Variants in AMBRA1 observed in about 807,000 individuals in gnomAD.
The protein encoded by AMBRA1 is activating molecule in BECN1-regulated autophagy protein 1.
AMBRA1 carries 47 observed loss-of-function variants against 125.4 expected under a neutral mutation model. That is an observed-to-expected ratio of 0.37 (90% CI 0.30 to 0.48). The LOEUF (loss-of-function observed/expected upper bound fraction) is 0.48, where lower values mean the gene tolerates loss of function less well. Ranked by LOEUF, AMBRA1 falls within the 20% of genes least tolerant of loss-of-function variation. AMBRA1 has a pLI of 0.99. For synonymous variants in AMBRA1, 626 were observed against 655.5 expected (o/e 0.95, Z 0.69); for missense variants, 1,331 against 1,693.4 (o/e 0.79, Z 3.76).
At chr11:46,497,634 C>A (rs1042701662) in intron 9 of AMBRA1, among the ~76,000 whole-genome samples, 15 of 152,156 alleles carry the variant, frequency 9.9e-5, no homozygotes, top group Non-Finnish European at 4.4e-5. Context: ...TAGCCTATAA[C>A]CAAACCAGCT....
In AMBRA1 at chr11:46,545,620, C is replaced by G. The variant is rs1256327010; in HGVS notation, c.535G>C (p.Glu179Gln). 1.2e-6 allele frequency: 2 copies of G among 1,614,054 alleles called. No homozygotes were observed. Among genetic ancestry groups the G allele is most frequent in the Non-Finnish European group, 1.7e-6 (2 of 1,179,964 alleles). ...CGCACTCACCGGACCCGTTCCATCTCACTAGCTGTCTTCACCACAGCAAAG... is the reference window on the plus strand; with the variant it reads ...CGCACTCACCGGACCCGTTCCATCTGACTAGCTGTCTTCACCACAGCAAAG... Reference protein sequence around the residue: ...EPFAVVKTASEMERVRLVRFD... With the variant: ...EPFAVVKTASQMERVRLVRFD... The change falls in exon 5 of 18, where the codon GAG (glutamate) becomes CAG (glutamine). Residue 179 changes from glutamate (E) to glutamine (Q), a missense_variant. Physicochemically the swap from Glu to Gln is conservative, Grantham distance 29. Around this residue, in one of 4 missense-constraint regions of AMBRA1, gnomAD observed 144 missense variants for 250.4 expected, o/e 0.58. Coordinates refer to ENST00000683756, the MANE Select transcript of AMBRA1 (RefSeq NM_001387011.1).
At chr11:46,495,714 A>C (rs1213712843) in intron 9 of AMBRA1, among the ~76,000 whole-genome samples, 1 of 152,248 alleles carries the variant, frequency 6.6e-6, no homozygotes, top group Non-Finnish European at 1.5e-5. Context: ...CTGAATATCA[A>C]ACAAATAAGA....
chr11:46,498,505 A>AG (rs1478937798), intron 9 of AMBRA1, among the ~76,000 whole-genome samples: 5 of 152,208 alleles, frequency 3.3e-5, no homozygotes, highest in African/African-American at 9.7e-5. Flanking sequence ...AGATTTTACC[A>AG]GAAAAAAAAC....
At chr11:46,528,954 C>T (rs1352070884) in intron 7 of AMBRA1, among the ~76,000 whole-genome samples, 1 of 152,068 alleles carries the variant, frequency 6.6e-6, no homozygotes, top group African/African-American at 2.4e-5. Flanking sequence ...TCACACGTAC[C>T]CTCTGATGCA....
intron 1 of AMBRA1, among the ~76,000 whole-genome samples, chr11:46,585,695 A>AAAAATATAT (rs1555017410): frequency 8.7e-5 from 2 of 22,906 alleles, no homozygotes; most frequent in South Asian, 1.4e-3. Flanking sequence ...AAAAAAAAAA[A>AAAAATATAT]ATATATATAT....
chr11:46,413,632 A>G (rs545700375), intron 15 of AMBRA1, among the ~76,000 whole-genome samples: 4 of 152,260 alleles, frequency 2.6e-5, no homozygotes, highest in Non-Finnish European at 5.9e-5. Flanking sequence ...CTGGGATTAC[A>G]GGTGTGTGCC....
chr11:46,442,941 T>TG (rs898017095), intron 12 of AMBRA1, among the ~76,000 whole-genome samples: 1 of 152,168 alleles, frequency 6.6e-6, no homozygotes, highest in African/African-American at 2.4e-5. Flanking sequence ...AGGCTGGTCT[T>TG]GAACTCCTGA....
intron 14 of AMBRA1, among the ~76,000 whole-genome samples, chr11:46,427,367 C>G (rs1947193789): frequency 6.6e-6 from 1 of 152,054 alleles, no homozygotes; most frequent in Non-Finnish European, 1.5e-5. Context: ...GGATGGATAC[C>G]CAACGGTATA....
intron 11 of AMBRA1, among the ~76,000 whole-genome samples, chr11:46,470,640 C>A (rs962307859): frequency 2.0e-5 from 3 of 149,962 alleles, no homozygotes; most frequent in Admixed American, 6.6e-5. Context: ...CATGGGCCTG[C>A]GGTCCTAGCT....
chr11:46,461,858 C>T (rs1191841204), intron 11 of AMBRA1, among the ~76,000 whole-genome samples: 1 of 152,196 alleles, frequency 6.6e-6, no homozygotes, highest in East Asian at 1.9e-4. Flanking sequence ...ACAGATGAAG[C>T]ATGCAAACAC....
At chr11:46,489,193 C>T (rs1307227342) in intron 11 of AMBRA1, among the ~76,000 whole-genome samples, 2 of 152,068 alleles carry the variant, frequency 1.3e-5, no homozygotes, top group Non-Finnish European at 2.9e-5. Context: ...ATTAGGTATA[C>T]CTCCTAATGC....
At chr11:46,533,507 A>C (rs561775531) in intron 7 of AMBRA1, among the ~76,000 whole-genome samples, 2 of 152,218 alleles carry the variant, frequency 1.3e-5, no homozygotes, top group East Asian at 3.9e-4. Context: ...GTTGCAGGTA[A>C]TATGCCTGCT....
intron 11 of AMBRA1, among the ~76,000 whole-genome samples, chr11:46,450,199 G>A (rs770078196): frequency 2.0e-5 from 3 of 152,108 alleles, no homozygotes; most frequent in Non-Finnish European, 2.9e-5. Flanking sequence ...GATAAACTGT[G>A]GCACATCCAT....
chr11:46,586,325 C>T (rs2044398834), intron 1 of AMBRA1, among the ~76,000 whole-genome samples: 2 of 152,154 alleles, frequency 1.3e-5, no homozygotes, highest in Admixed American at 6.5e-5. Context: ...ACAAGAATCG[C>T]TTGAACCCAG....
intron 1 of AMBRA1, among the ~76,000 whole-genome samples, chr11:46,566,216 C>T (rs981931148): frequency 1.3e-5 from 2 of 152,050 alleles, no homozygotes; most frequent in African/African-American, 2.4e-5. Flanking sequence ...GTCAGGAGTT[C>T]GAGACTGGTC....
At chr11:46,575,518 T>C (rs1700340354) in intron 1 of AMBRA1, among the ~76,000 whole-genome samples, 1 of 141,156 alleles carries the variant, frequency 7.1e-6, no homozygotes, top group South Asian at 2.3e-4. Flanking sequence ...TTTCCTTTTT[T>C]TTTTTTTTTT....
chr11:46,544,634 C>T (rs933627784), intron 5 of AMBRA1, among the ~76,000 whole-genome samples: 1 of 152,192 alleles, frequency 6.6e-6, no homozygotes. Context: ...AGACAACCCA[C>T]CAAGGTATCT....
In AMBRA1 at chr11:46,543,193, G is replaced by T. The variant is rs528598365; in HGVS notation, c.824C>A (p.Pro275His). The change falls in exon 7 of 18, where the codon CCT becomes CAT. Residue 275 changes from proline to histidine, a missense_variant. Pro to His is a moderately conservative substitution (Grantham distance 77). Coordinates refer to ENST00000683756, the MANE Select transcript of AMBRA1 (RefSeq NM_001387011.1). ...SATPSPPPPP[P>H]QPSTERPRTS... ...CCTGGGGCGCTCCGTGGAGGGCTGA[G>T]GGGGAGGCGGTGGGGGTGAGGGGGT... The T allele has an allele frequency of 1.1e-5, 17 of 1,585,942 alleles. No homozygotes were observed. The Admixed American group carries it at 2.2e-4, about 20-fold the overall frequency.
chr11:46,471,844 T>C (rs1949608524), intron 11 of AMBRA1, among the ~76,000 whole-genome samples: 1 of 151,956 alleles, frequency 6.6e-6, no homozygotes, highest in South Asian at 2.1e-4. Context: ...GCCAGGATGG[T>C]CTCGATCTCC....
Sources: gnomAD v4.1 joint callset for allele counts (sites outside exome capture counted in the v4.1 genomes callset) on GRCh38, gnomAD v4.1.1 for gene constraint, gnomAD v4.1.1 regional missense constraint, MANE v1.5 for transcripts, NCBI Gene and HGNC (gene_info 2026-07-23, HGNC 2026-07-21) for gene names.